The following ADAMTS18 variants were observed in gnomAD, a reference collection of about 807,000 sequenced individuals.
The protein encoded by ADAMTS18 is A disintegrin and metalloproteinase with thrombospondin motifs 18.
In ADAMTS18, 157 loss-of-function variants were observed where a neutral mutation model predicts 165.9. The observed-to-expected ratio is 0.95, with a 90% CI of 0.83 to 1.08. ADAMTS18 has a LOEUF of 1.08. Ranked by LOEUF, ADAMTS18 falls within the 50% of genes least tolerant of loss-of-function variation. The probability of loss-of-function intolerance (pLI) is 0.00; values close to 1 mark genes in which losing one functional copy is unlikely to be tolerated. For synonymous variants in ADAMTS18, 782 were observed against 578.2 expected, an observed-to-expected ratio of 1.35 and a Z score of -5.06; for missense variants, 2,040 against 1,534.0, an observed-to-expected ratio of 1.33 and a Z score of -5.51.
intron 7 of ADAMTS18, 126 bp from the exon 8 acceptor site, chr16:77,359,549 GAA>G (rs3067843): frequency 0.11 from 31,121 of 293,852 alleles, 99 homozygotes; most frequent in East Asian, 0.19. Context: ...AGTGTTTTTG[GAA>G]AAAAAAAAAA....
At chr16:77,346,426 A>C (rs183330455) in intron 10 of ADAMTS18, among the ~76,000 whole-genome samples, 3 of 152,172 alleles carry the variant, frequency 2.0e-5, no homozygotes, top group African/African-American at 7.2e-5. Context: ...AATAGTCTTC[A>C]TTTGTAATAA....
intron 3 of ADAMTS18, among the ~76,000 whole-genome samples, chr16:77,415,049 A>C (rs2057512264): frequency 6.6e-6 from 1 of 152,222 alleles, no homozygotes; most frequent in African/African-American, 2.4e-5. Context: ...GTAGTGAATC[A>C]ACAAGACCAG....
intron 10 of ADAMTS18, among the ~76,000 whole-genome samples, chr16:77,343,221 G>A (rs1490749184): frequency 6.6e-6 from 1 of 152,050 alleles, no homozygotes; most frequent in East Asian, 1.9e-4. Context: ...TTACAAGCAC[G>A]CACCACCATG....
intron 3 of ADAMTS18, among the ~76,000 whole-genome samples, chr16:77,421,950 T>C (rs990232845): frequency 2.0e-5 from 3 of 152,052 alleles, no homozygotes; most frequent in African/African-American, 4.8e-5. Context: ...ACCTCCAAAA[T>C]ATACATTGTT....
chr16:77,360,390 C>T (rs1050398318), intron 7 of ADAMTS18, among the ~76,000 whole-genome samples: 3 of 152,196 alleles, frequency 2.0e-5, no homozygotes, highest in African/African-American at 7.2e-5. Context: ...ATAAATTCTA[C>T]ACTCAGGAAT....
intron 3 of ADAMTS18, among the ~76,000 whole-genome samples, chr16:77,408,016 T>C (rs1467961465): frequency 6.6e-6 from 1 of 152,024 alleles, no homozygotes; most frequent in Non-Finnish European, 1.5e-5. Flanking sequence ...TCCAAAGAGA[T>C]GCCATACCCA....
intron 4 of ADAMTS18, among the ~76,000 whole-genome samples, chr16:77,366,187 T>G (rs1286523795): frequency 6.6e-6 from 1 of 152,200 alleles, no homozygotes; most frequent in Non-Finnish European, 1.5e-5. Flanking sequence ...GTATCCAACT[T>G]GGCGCACAGT....
At chr16:77,389,691 A>G (rs2057159385) in intron 3 of ADAMTS18, among the ~76,000 whole-genome samples, 1 of 152,182 alleles carries the variant, frequency 6.6e-6, no homozygotes, top group African/African-American at 2.4e-5. Context: ...GAAGAGGTGA[A>G]TCTTTGCCTT....
intron 10 of ADAMTS18, among the ~76,000 whole-genome samples, chr16:77,346,547 A>G (rs1448776537): frequency 6.6e-6 from 1 of 152,210 alleles, no homozygotes; most frequent in East Asian, 1.9e-4. Context: ...TGCATAAATT[A>G]TTTCATTGTA....
chr16:77,415,624 T>C (rs2057520353), intron 3 of ADAMTS18, among the ~76,000 whole-genome samples: 1 of 151,164 alleles, frequency 6.6e-6, no homozygotes, highest in Non-Finnish European at 1.5e-5. Flanking sequence ...ACATGTCACC[T>C]TCCCACAGAC....
chr16:77,388,964 G>T (rs1371987838), intron 3 of ADAMTS18, among the ~76,000 whole-genome samples: 1 of 152,178 alleles, frequency 6.6e-6, no homozygotes, highest in Non-Finnish European at 1.5e-5. Flanking sequence ...AAATGAAGAA[G>T]TCATTAGGTG....
At position 77,323,000 on chromosome 16, in the gene ADAMTS18, T is replaced by C. The variant is rs533294323; in HGVS notation, c.2033-534A>G. Among the ~76,000 whole-genome samples, 13 of 152,114 alleles carry C rather than the reference T, an allele frequency of 8.5e-5. No homozygotes were observed. In the South Asian group the frequency reaches 1.7e-3, roughly 19 times the overall value. ...CGGTTAGTCATGTTTGTAAAACATATAGAGAAAAAAAACCATGTCATAAAA... is the reference window on the plus strand; with the variant it reads ...CGGTTAGTCATGTTTGTAAAACATACAGAGAAAAAAAACCATGTCATAAAA... On this transcript the variant is annotated intron_variant, in intron 13 of 22. Transcript: ENST00000282849.
Position 77,319,868 on chromosome 16 carries a change from T to C in ADAMTS18, c.2513A>G (p.Asn838Ser). The C allele has an allele frequency of 6.2e-7, 1 of 1,614,160 alleles. No individual in the cohort carries two copies. Among genetic ancestry groups the C allele is most frequent in the Non-Finnish European group, 8.5e-7 (1 of 1,180,006 alleles). ...PERLYAPGPT[N>S]ETLVFEILMQ... ...GCTTACTTCAAAGACCAGCGTCTCA[T>C]TTGTGGGCCCTGGCGCGTACAGACG... The change falls in exon 16 of 23, where the codon AAT (asparagine) becomes AGT (serine). Residue 838 changes from asparagine to serine, a missense_variant. By Grantham distance (46) the Asn-to-Ser change is conservative. Transcript: ENST00000282849.
At chr16:77,390,696 A>AG (rs2057174579) in intron 3 of ADAMTS18, among the ~76,000 whole-genome samples, 1 of 150,860 alleles carries the variant, frequency 6.6e-6, no homozygotes, top group African/African-American at 2.5e-5. Flanking sequence ...TCTCAAAAAA[A>AG]AAGAAAAAAA....
At chr16:77,314,041 A>C (rs1436741889) in intron 16 of ADAMTS18, among the ~76,000 whole-genome samples, 4 of 152,188 alleles carry the variant, frequency 2.6e-5, no homozygotes, top group African/African-American at 7.2e-5. Flanking sequence ...AAATGCTAGT[A>C]TCTTCCTCTC....
At chr16:77,289,144 T>G (rs2055313088) in intron 22 of ADAMTS18, 120 bp downstream of exon 22, 5 of 1,315,108 alleles carry the variant, frequency 3.8e-6, no homozygotes, top group Non-Finnish European at 5.4e-6. Context: ...TCACATAGAC[T>G]TCGGGTGAAT....
rs748358878 is a variant in ADAMTS18 at position 77,367,487 on chromosome 16, G to T, written c.732C>A (p.His244Gln). ...AATGCTGCTTTTGCAACCTTCGATG[G>T]TGATACTCTGTCTCTCGACTCTGAG... ...HASQSRETEY[H>Q]HRRLQKQHFC... The change falls in exon 4 of 23, where the codon CAC becomes CAA. Residue 244 changes from histidine (H) to glutamine (Q), a missense_variant. Transcript: ENST00000282849. 1 of 1,614,190 alleles carries T rather than the reference G, an allele frequency of 6.2e-7. No individual in the cohort carries two copies. The highest frequency in any genetic ancestry group is 8.5e-7 in the Non-Finnish European group (1 of 1,180,022).
chr16:77,284,122 T>C, intron 22 of ADAMTS18, 51 bp from the exon 23 acceptor site: 1 of 1,267,862 alleles, frequency 7.9e-7, no homozygotes, highest in Non-Finnish European at 1.1e-6. Flanking sequence ...CTATCCTTTT[T>C]CTTTTTTTTT....
At chr16:77,337,072 T>C (rs1016181610) in intron 11 of ADAMTS18, among the ~76,000 whole-genome samples, 4 of 152,252 alleles carry the variant, frequency 2.6e-5, no homozygotes, top group South Asian at 4.1e-4. Context: ...TAGGTTAAGA[T>C]ATTGCTTCCT....
Sources: gnomAD v4.1 joint callset for allele counts (sites outside exome capture counted in the v4.1 genomes callset) on GRCh38, gnomAD v4.1.1 for gene constraint, MANE v1.5 for transcripts, NCBI Gene and HGNC (gene_info 2026-07-23, HGNC 2026-07-21) for gene names.